Variants in CARMIL1 observed in about 807,000 individuals in gnomAD.
CARMIL1 encodes the protein capping protein regulator and myosin 1 linker 1.
CARMIL1 carries 90 observed loss-of-function variants against 177.1 expected under a neutral mutation model. The observed-to-expected ratio is 0.51, with a 90% CI of 0.43 to 0.61. CARMIL1 has a LOEUF of 0.61. CARMIL1 is among the 20% of genes least tolerant of loss of function. The probability of loss-of-function intolerance (pLI) is 0.00; values close to 1 mark genes in which losing one functional copy is unlikely to be tolerated. For synonymous variants in CARMIL1, 577 were observed against 606.2 expected (o/e 0.95, Z 0.71); for missense variants, 1,380 against 1,667.0 (o/e 0.83, Z 3.00).
intron 8 of CARMIL1, among the ~76,000 whole-genome samples, chr6:25,463,902 A>C (rs1800353211): frequency 7.3e-6 from 1 of 137,856 alleles, no homozygotes; most frequent in South Asian, 2.3e-4. Flanking sequence ...GGCTCACTGC[A>C]AGCTCTGCCT....
intron 2 of CARMIL1, 96 bp from the exon 3 acceptor site, chr6:25,420,018 T>G: frequency 2.2e-6 from 2 of 893,160 alleles, no homozygotes; most frequent in South Asian, 1.4e-5. Flanking sequence ...TGTGGCCTTC[T>G]GAGGTTTCAG....
intron 8 of CARMIL1, among the ~76,000 whole-genome samples, chr6:25,455,197 G>A (rs570327783): frequency 1.3e-5 from 2 of 152,250 alleles, no homozygotes; most frequent in Admixed American, 6.5e-5. Flanking sequence ...GCATGCATTT[G>A]TATGTCGAGA....
chr6:25,531,088 G>A (rs1032196464), intron 24 of CARMIL1, among the ~76,000 whole-genome samples: 11 of 152,074 alleles, frequency 7.2e-5, no homozygotes, highest in Non-Finnish European at 1.0e-4. Context: ...TTTTTATTTC[G>A]TGGAATCAAC....
At chr6:25,532,825 T>G (rs545112357) in intron 24 of CARMIL1, among the ~76,000 whole-genome samples, 61 of 152,346 alleles carry the variant, frequency 4.0e-4, no homozygotes, top group African/African-American at 1.5e-3. Context: ...AAAAGCCGTA[T>G]AGTAAATACT....
chr6:25,411,588 G>T (rs996357139), intron 2 of CARMIL1, among the ~76,000 whole-genome samples: 1 of 152,138 alleles, frequency 6.6e-6, no homozygotes, highest in Non-Finnish European at 1.5e-5. Flanking sequence ...TTTATGCTTT[G>T]ATAACACCTT....
At chr6:25,440,317 AGAG>A (rs1342908125) in intron 5 of CARMIL1, among the ~76,000 whole-genome samples, 1 of 152,256 alleles carries the variant, frequency 6.6e-6, no homozygotes, top group East Asian at 1.9e-4. Context: ...GAGAAAATTC[AGAG>A]GAGAGAGTAG....
chr6:25,456,570 G>C (rs1799550112), intron 8 of CARMIL1, among the ~76,000 whole-genome samples: 1 of 152,146 alleles, frequency 6.6e-6, no homozygotes, highest in Non-Finnish European at 1.5e-5. Context: ...TTGAAAATTT[G>C]TTGTAAATTT....
intron 6 of CARMIL1, 115 bp downstream of exon 6, chr6:25,450,110 A>C: frequency 1.1e-6 from 1 of 893,826 alleles, no homozygotes; most frequent in Non-Finnish European, 1.7e-6. Context: ...TCAAGGTGTA[A>C]TTAGCAGCGC....
At chr6:25,590,241 T>A (rs1180207824) in intron 31 of CARMIL1, among the ~76,000 whole-genome samples, 3 of 152,234 alleles carry the variant, frequency 2.0e-5, no homozygotes, top group African/African-American at 7.2e-5. Context: ...TTTGATTCTT[T>A]TTTTTCGGTA....
chr6:25,576,869 G>GT (rs1812634838), intron 29 of CARMIL1: 1 of 474,674 alleles, frequency 2.1e-6, no homozygotes, highest in African/African-American at 2.1e-5. Flanking sequence ...TAGCTTTTCT[G>GT]TTTCTTTGTT....
chr6:25,617,194 T>C (rs532559126), intron 36 of CARMIL1, among the ~76,000 whole-genome samples: 60 of 152,340 alleles, frequency 3.9e-4, no homozygotes, highest in African/African-American at 1.4e-3. Context: ...AGGTGGAGAC[T>C]GAAGGACAAC....
rs377416073 is a variant in CARMIL1, at chr6:25,600,448, C to T, written c.3254C>T (p.Thr1085Met). Residue 1085 changes from threonine to methionine, a missense_variant, in exon 33 of 37, where the codon ACG (threonine) becomes ATG (methionine). Thr to Met is a moderately conservative substitution (Grantham distance 81, BLOSUM62 -1). Transcript: ENST00000329474. ...KSRSKSERPP[T>M]ILMTEEPSSP... Reference sequence around the variant, plus strand: ...CGGTCCAAATCCGAGCGACCACCAACGATCTTGATGACAGAAGAACCCTCC... The same window carrying T: ...CGGTCCAAATCCGAGCGACCACCAATGATCTTGATGACAGAAGAACCCTCC... The T allele has an allele frequency of 3.0e-5, 48 of 1,614,012 alleles. No individual in the cohort carries two copies. Among genetic ancestry groups the T allele is most frequent in the South Asian group, 1.2e-4 (11 of 91,074 alleles).
intron 8 of CARMIL1, among the ~76,000 whole-genome samples, chr6:25,453,622 A>G (rs1484804548): frequency 6.6e-6 from 1 of 152,236 alleles, no homozygotes; most frequent in Non-Finnish European, 1.5e-5. Context: ...TTAAAAAACT[A>G]GGAGCTTGTG....
At chr6:25,474,655 C>T (rs545949831) in intron 11 of CARMIL1, among the ~76,000 whole-genome samples, 3 of 152,196 alleles carry the variant, frequency 2.0e-5, no homozygotes, top group South Asian at 2.1e-4. Context: ...AATTAATGGA[C>T]GCATAGTAAT....
At chr6:25,601,381 G>A (rs893738407) in intron 33 of CARMIL1, among the ~76,000 whole-genome samples, 9 of 152,128 alleles carry the variant, frequency 5.9e-5, no homozygotes, top group African/African-American at 1.4e-4. Context: ...GAGATGTTCC[G>A]GGGCCAGGTG....
rs529917560 is a variant in CARMIL1, at chr6:25,438,839, A to C, written c.371+3235A>C. On this transcript the variant is annotated intron_variant, in intron 5 of 36. Coordinates refer to ENST00000329474, the MANE Select transcript of CARMIL1 (RefSeq NM_017640.6). ...AGGGGTGGGAGATAAATCTTTAGAT[A>C]GTTTATGAAAATCTTTTTTTTTTTT... Among the ~76,000 whole-genome samples, 151 of 150,712 alleles carry C rather than the reference A, an allele frequency of 1.0e-3. 2 individuals are homozygous for C. Among genetic ancestry groups the C allele is most frequent in the African/African-American group, 3.6e-3 (146 of 40,796 alleles).
intron 35 of CARMIL1, among the ~76,000 whole-genome samples, chr6:25,608,407 T>TTATGTAGGGTTCAGTAC (rs1444637552): frequency 2.0e-5 from 3 of 152,192 alleles, no homozygotes; most frequent in African/African-American, 7.2e-5. Flanking sequence ...AAAACACAGC[T>TTATGTAGGGTTCAGTAC]TATGTAGGGT....
chr6:25,489,581 G>A (rs1432611864), intron 13 of CARMIL1, among the ~76,000 whole-genome samples: 1 of 152,094 alleles, frequency 6.6e-6, no homozygotes, highest in Non-Finnish European at 1.5e-5. Context: ...TAACAACATG[G>A]CCTACACCCA....
intron 23 of CARMIL1, among the ~76,000 whole-genome samples, chr6:25,525,876 G>C (rs1033361835): frequency 6.6e-6 from 1 of 152,064 alleles, no homozygotes; most frequent in Admixed American, 6.5e-5. Context: ...ATTAAAACCA[G>C]AGACAGTAGC....
Sources: allele counts gnomAD v4.1 joint callset (sites outside exome capture counted in the v4.1 genomes callset), GRCh38; gene constraint gnomAD v4.1.1; transcripts MANE v1.5; gene names NCBI Gene and HGNC (gene_info 2026-07-23, HGNC 2026-07-21).